The following CCDC148 variants were observed in gnomAD, a reference collection of about 807,000 sequenced individuals.
CCDC148 encodes the protein coiled-coil domain-containing protein 148.
A neutral mutation model predicts 85.7 loss-of-function variants in CCDC148; 89 were observed. That is an observed-to-expected ratio of 1.04 (90% CI 0.87 to 1.24). The LOEUF is 1.24. Among genes scored for constraint, CCDC148 ranks in the 50% most tolerant of loss-of-function variants. CCDC148 has a pLI of 0.00. For synonymous variants in CCDC148, 230 were observed against 213.9 expected (o/e 1.08, Z -0.66); for missense variants, 692 against 671.7 (o/e 1.03, Z -0.33).
At chr2:158,440,865 G>T (rs1438164229) in intron 1 of CCDC148, among the ~76,000 whole-genome samples, 1 of 152,098 alleles carries the variant, frequency 6.6e-6, no homozygotes, top group East Asian at 1.9e-4. Context: ...ATTTTTGTCT[G>T]ATAGCTGTTC....
intron 7 of CCDC148, 86 bp from the exon 8 acceptor site, chr2:158,313,980 T>C (rs887126153): frequency 1.4e-5 from 19 of 1,330,678 alleles, no homozygotes; most frequent in Non-Finnish European, 1.6e-5. Flanking sequence ...TAGCAAGTGA[T>C]AGTAACGAAG....
intron 13 of CCDC148, among the ~76,000 whole-genome samples, chr2:158,175,869 CCCAT>C (rs966785191): frequency 2.6e-5 from 4 of 151,990 alleles, no homozygotes; most frequent in African/African-American, 4.8e-5. Context: ...CATCCATCCA[CCCAT>C]CCATCCATCC....
intron 10 of CCDC148, 88 bp from the exon 11 acceptor site, chr2:158,220,801 T>C (rs1687141594): frequency 9.9e-7 from 1 of 1,007,034 alleles, no homozygotes; most frequent in Non-Finnish European, 1.5e-6. Context: ...CTGGTTCGTA[T>C]TACAAAATTG....
At chr2:158,332,091 C>T (rs1009900931) in intron 7 of CCDC148, among the ~76,000 whole-genome samples, 1 of 152,102 alleles carries the variant, frequency 6.6e-6, no homozygotes, top group African/African-American at 2.4e-5. Context: ...GATGCAGTTT[C>T]TTCCTAGCCT....
chr2:158,382,033 G>A (rs756588237), intron 1 of CCDC148, among the ~76,000 whole-genome samples: 23 of 152,098 alleles, frequency 1.5e-4, no homozygotes, highest in Non-Finnish European at 3.2e-4. Context: ...AATGGGATTA[G>A]TGTCCTTACA....
chr2:158,240,635 C>G (rs1455599010), intron 10 of CCDC148, among the ~76,000 whole-genome samples: 1 of 152,030 alleles, frequency 6.6e-6, no homozygotes, highest in African/African-American at 2.4e-5. Context: ...GTGCTGGCTT[C>G]CAGGCAGCAC....
At chr2:158,179,166 A>AT (rs10699879) in intron 11 of CCDC148, among the ~76,000 whole-genome samples, 170 bp from the exon 12 acceptor site, 3,857 of 82,606 alleles carry the variant, frequency 0.047, 415 homozygotes, top group African/African-American at 0.1. Flanking sequence ...ATAAAATGCA[A>AT]TTTTTTTTTT....
At chr2:158,441,759 A>G (rs1297948483) in intron 1 of CCDC148, among the ~76,000 whole-genome samples, 1 of 152,166 alleles carries the variant, frequency 6.6e-6, no homozygotes, top group African/African-American at 2.4e-5. Flanking sequence ...GCCTTAGAAG[A>G]GAGGAAAAGT....
At chr2:158,281,669 T>C (rs896322660) in intron 9 of CCDC148, among the ~76,000 whole-genome samples, 3 of 152,158 alleles carry the variant, frequency 2.0e-5, no homozygotes, top group African/African-American at 7.2e-5. Context: ...CAGGACCAGA[T>C]GGATTCACAG....
intron 9 of CCDC148, among the ~76,000 whole-genome samples, chr2:158,292,198 G>A (rs1371248663): frequency 6.6e-6 from 1 of 151,918 alleles, no homozygotes; most frequent in Non-Finnish European, 1.5e-5. Flanking sequence ...AACAATATTG[G>A]AGAAACTCAA....
intron 1 of CCDC148, among the ~76,000 whole-genome samples, chr2:158,420,345 G>A (rs746223062): frequency 2.0e-5 from 3 of 152,022 alleles, no homozygotes; most frequent in Admixed American, 6.6e-5. Context: ...GAGAAAGGTC[G>A]AGTTACTCAC....
intron 1 of CCDC148, among the ~76,000 whole-genome samples, chr2:158,433,831 T>G (rs960749572): frequency 1.1e-4 from 16 of 152,238 alleles, no homozygotes; most frequent in African/African-American, 3.6e-4. Flanking sequence ...TTATATCCTG[T>G]GCCTGGCTCA....
chr2:158,397,790 A>C (rs1205185045), intron 1 of CCDC148, among the ~76,000 whole-genome samples: 1 of 152,094 alleles, frequency 6.6e-6, no homozygotes, highest in Non-Finnish European at 1.5e-5. Flanking sequence ...TATTAACCTT[A>C]AAAGTAAATG....
At chr2:158,323,569 G>A (rs562423274) in intron 7 of CCDC148, among the ~76,000 whole-genome samples, 1 of 152,266 alleles carries the variant, frequency 6.6e-6, no homozygotes, top group Admixed American at 6.5e-5. Flanking sequence ...CCAGCATCCT[G>A]GCATGTGTAC....
At chr2:158,434,886 G>C (rs184846516) in intron 1 of CCDC148, among the ~76,000 whole-genome samples, 1 of 152,310 alleles carries the variant, frequency 6.6e-6, no homozygotes, top group Non-Finnish European at 1.5e-5. Flanking sequence ...AGTGATTGAA[G>C]ATCAAATGAA....
chr2:158,181,148 G>T (rs10180377), intron 11 of CCDC148, among the ~76,000 whole-genome samples: 3,448 of 152,228 alleles, frequency 0.023, 139 homozygotes, highest in African/African-American at 0.078. Flanking sequence ...CTAATTCTCA[G>T]AACCTTTGGA....
intron 3 of CCDC148, among the ~76,000 whole-genome samples, chr2:158,342,567 C>T (rs1165799248): frequency 1.3e-5 from 2 of 152,106 alleles, no homozygotes; most frequent in African/African-American, 4.8e-5. Flanking sequence ...CCCAGAAAGT[C>T]ATAACAGAGC....
At chr2:158,404,423 T>G (rs1193684710) in intron 1 of CCDC148, among the ~76,000 whole-genome samples, 1 of 152,060 alleles carries the variant, frequency 6.6e-6, no homozygotes, top group East Asian at 1.9e-4. Flanking sequence ...GAGGAAGCGC[T>G]TGAGTGAATA....
At chr2:158,367,540 CCTGT>C (rs1394433106) in intron 1 of CCDC148, among the ~76,000 whole-genome samples, 2 of 152,098 alleles carry the variant, frequency 1.3e-5, no homozygotes, top group Non-Finnish European at 2.9e-5. Flanking sequence ...TTGGTCTAAC[CCTGT>C]CTAATTTTTT....
Sources: gnomAD v4.1 joint callset for allele counts (sites outside exome capture counted in the v4.1 genomes callset) on GRCh38, gnomAD v4.1.1 for gene constraint, MANE v1.5 for transcripts, NCBI Gene and HGNC (gene_info 2026-07-23, HGNC 2026-07-21) for gene names.